Variants in PPP1R9A observed in about 807,000 individuals in gnomAD.
The protein encoded by PPP1R9A is protein phosphatase 1 regulatory subunit 9A, also known as neurabin-1.
A neutral mutation model predicts 141.9 loss-of-function variants in PPP1R9A; 59 were observed. The ratio of observed to expected loss-of-function variants is 0.42; its 90% CI spans 0.34 to 0.52. The LOEUF (loss-of-function observed/expected upper bound fraction) is 0.52, where lower values mean the gene tolerates loss of function less well. Ranked by LOEUF, PPP1R9A falls within the 20% of genes least tolerant of loss-of-function variation. The pLI is 0.10. For missense variants in PPP1R9A, 1,444 were observed against 1,611.9 expected, an observed-to-expected ratio of 0.90 and a Z score of 1.78; for synonymous variants, 500 against 569.7, an observed-to-expected ratio of 0.88 and a Z score of 1.74.
At chr7:95,001,752 A>G (rs574194592) in intron 2 of PPP1R9A, among the ~76,000 whole-genome samples, 1 of 152,214 alleles carries the variant, frequency 6.6e-6, no homozygotes, top group East Asian at 1.9e-4. Context: ...GCTGGAGCCT[A>G]CATTAGAAGT....
chr7:95,147,312 A>G (rs1471522397), intron 4 of PPP1R9A, among the ~76,000 whole-genome samples: 1 of 152,174 alleles, frequency 6.6e-6, no homozygotes, highest in Non-Finnish European at 1.5e-5. Flanking sequence ...TTATTGGTGT[A>G]TAGGAATGCT....
At chr7:95,042,877 G>A (rs1415881198) in intron 2 of PPP1R9A, among the ~76,000 whole-genome samples, 1 of 151,524 alleles carries the variant, frequency 6.6e-6, no homozygotes, top group African/African-American at 2.4e-5. Flanking sequence ...CTCTCACTTT[G>A]AAATTTTATT....
intron 2 of PPP1R9A, among the ~76,000 whole-genome samples, chr7:95,021,720 A>G (rs932436178): frequency 2.6e-5 from 4 of 152,164 alleles, no homozygotes; most frequent in Non-Finnish European, 5.9e-5. Context: ...CATTTATTAA[A>G]TAGGGAATCC....
chr7:95,269,508 G>A lies in PPP1R9A; in HGVS notation c.3124+1G>A. Reference sequence around the variant, plus strand: ...AACAAGAAAATATTACGAGAAAAAGGTATTGTTAATTTCTTTTTCTGACTT... The same window carrying A: ...AACAAGAAAATATTACGAGAAAAAGATATTGTTAATTTCTTTTTCTGACTT... On this transcript the variant is annotated splice_donor_variant, in intron 14 of 19. Transcript: ENST00000433360. LOFTEE classifies it high-confidence loss of function. 6.4e-7 allele frequency: 1 copy of A among 1,553,628 alleles called. No homozygotes were observed. Among genetic ancestry groups the A allele is most frequent in the Non-Finnish European group, 8.8e-7 (1 of 1,141,734 alleles).
intron 2 of PPP1R9A, among the ~76,000 whole-genome samples, chr7:94,940,862 A>G (rs116038849): frequency 0.014 from 2,097 of 152,204 alleles, 36 homozygotes; most frequent in African/African-American, 0.047. Flanking sequence ...AAGTTAGGAC[A>G]CTGGAAGTCT....
At chr7:95,195,412 C>G (rs1427052472) in intron 5 of PPP1R9A, among the ~76,000 whole-genome samples, 3 of 149,640 alleles carry the variant, frequency 2.0e-5, no homozygotes, top group Non-Finnish European at 4.4e-5. Flanking sequence ...TCTCAAGTAG[C>G]TAAAACTACA....
chr7:95,190,450 T>TGA (rs1294293031), intron 5 of PPP1R9A, among the ~76,000 whole-genome samples: 3 of 152,228 alleles, frequency 2.0e-5, no homozygotes, highest in Non-Finnish European at 4.4e-5. Context: ...ATAGACTGTG[T>TGA]GAGAGTCCTT....
intron 2 of PPP1R9A, among the ~76,000 whole-genome samples, chr7:95,007,326 T>G (rs1584243442): frequency 6.6e-6 from 1 of 152,298 alleles, no homozygotes. Context: ...GTAGGATGTT[T>G]AGCAGCGTTC....
At chr7:95,036,056 A>G (rs1808386099) in intron 2 of PPP1R9A, 1 of 152,236 alleles carries the variant, frequency 6.6e-6, no homozygotes, top group Non-Finnish European at 1.5e-5. Context: ...TAATAAGATC[A>G]TGCTGTAAGC....
chr7:95,270,485 G>C (rs1802007331), intron 14 of PPP1R9A, among the ~76,000 whole-genome samples: 1 of 152,072 alleles, frequency 6.6e-6, no homozygotes, highest in Admixed American at 6.6e-5. Flanking sequence ...AGGGACATCA[G>C]TGGAAATTAG....
intron 2 of PPP1R9A, among the ~76,000 whole-genome samples, chr7:94,945,713 A>G (rs1406058611): frequency 6.6e-6 from 1 of 152,118 alleles, no homozygotes; most frequent in Non-Finnish European, 1.5e-5. Flanking sequence ...TTGTTTTGCT[A>G]AAACAATTTG....
At chr7:95,276,085 G>A (rs541845985) in intron 16 of PPP1R9A, among the ~76,000 whole-genome samples, 9 of 152,262 alleles carry the variant, frequency 5.9e-5, no homozygotes, top group African/African-American at 2.2e-4. Context: ...AACAAATAAT[G>A]AAACCGTTTA....
intron 5 of PPP1R9A, among the ~76,000 whole-genome samples, chr7:95,175,699 T>C (rs1426439183): frequency 6.6e-6 from 1 of 152,116 alleles, no homozygotes; most frequent in African/African-American, 2.4e-5. Flanking sequence ...CTCTTCAGTG[T>C]CATTCACATT....
chr7:95,073,624 G>GTTTTTTTTT (rs36077129), intron 2 of PPP1R9A, among the ~76,000 whole-genome samples: 2 of 105,558 alleles, frequency 1.9e-5, no homozygotes, highest in Non-Finnish European at 3.8e-5. Context: ...AAAGAAATAA[G>GTTTTTTTTT]TTTTTTTTTT....
intron 2 of PPP1R9A, among the ~76,000 whole-genome samples, chr7:94,969,496 C>T (rs769507047): frequency 6.6e-6 from 1 of 152,092 alleles, no homozygotes; most frequent in Non-Finnish European, 1.5e-5. Flanking sequence ...GCAAAGATTG[C>T]TGCCTGTTCC....
At chr7:94,917,472 T>C (rs1462288129) in intron 2 of PPP1R9A, among the ~76,000 whole-genome samples, 1 of 152,138 alleles carries the variant, frequency 6.6e-6, no homozygotes, top group Admixed American at 6.5e-5. Context: ...AGTGATGCAG[T>C]CATGGCTCAC....
intron 2 of PPP1R9A, among the ~76,000 whole-genome samples, chr7:95,098,583 T>G (rs1421628945): frequency 6.6e-6 from 1 of 152,102 alleles, no homozygotes; most frequent in African/African-American, 2.4e-5. Context: ...GTTTTGGCAT[T>G]CTCTTCCACC....
chr7:95,250,148 A>T lies in PPP1R9A; in HGVS notation c.2289A>T (p.Thr763=). The change falls in exon 10 of 20, where the codon ACA becomes ACT. Residue 763 remains threonine, a synonymous_variant. Transcript: ENST00000433360. The part of the protein sequence containing the change: ...KLESYWIEAQ[T]LCHTVNEHLK... ...AAAGCTACTGGATTGAGGCCCAAAC[A>T]TTATGCCACACAGTGAATGAGCATC... is the stretch of plus-strand genomic sequence containing the variant. 1 of 1,614,034 alleles carries T rather than the reference A, an allele frequency of 6.2e-7. No homozygotes were observed. Among genetic ancestry groups the T allele is most frequent in the Non-Finnish European group, 8.5e-7 (1 of 1,179,946 alleles).
intron 2 of PPP1R9A, among the ~76,000 whole-genome samples, chr7:95,094,188 G>C (rs1031636810): frequency 2.0e-5 from 3 of 152,146 alleles, no homozygotes; most frequent in Non-Finnish European, 4.4e-5. Context: ...CTAAGTGAAG[G>C]CTGGCCATGT....
Sources: gnomAD v4.1 joint callset for allele counts (sites outside exome capture counted in the v4.1 genomes callset) on GRCh38, gnomAD v4.1.1 for gene constraint, MANE v1.5 for transcripts, NCBI Gene and HGNC (gene_info 2026-07-23, HGNC 2026-07-21) for gene names.